The following PTPRK variants were observed in gnomAD, a reference collection of about 807,000 sequenced individuals.
The protein encoded by PTPRK is protein tyrosine phosphatase receptor type K.
PTPRK carries 75 observed loss-of-function variants against 178.0 expected under a neutral mutation model. The observed-to-expected ratio is 0.42, with a 90% CI of 0.35 to 0.51. PTPRK has a LOEUF of 0.51. Ranked by LOEUF, PTPRK falls within the 20% of genes least tolerant of loss-of-function variation. The pLI, the probability that PTPRK is intolerant of heterozygous loss-of-function variation, is 0.02. For missense variants in PTPRK, 1,441 were observed against 1,797.8 expected (o/e 0.80, Z 3.59); for synonymous variants, 637 against 620.6 (o/e 1.03, Z -0.39).
intron 7 of PTPRK, among the ~76,000 whole-genome samples, chr6:128,134,327 G>C (rs1172406525): frequency 6.6e-6 from 1 of 152,110 alleles, no homozygotes; most frequent in African/African-American, 2.4e-5. Context: ...ATCTTTTCTA[G>C]AGAGATTTGT....
chr6:128,183,010 A>G (rs1351796322), intron 7 of PTPRK, among the ~76,000 whole-genome samples: 3 of 152,192 alleles, frequency 2.0e-5, no homozygotes, highest in African/African-American at 7.2e-5. Context: ...CAAAATTGTT[A>G]AAATTTATAT....
chr6:128,093,814 G>C (rs1410980282), intron 7 of PTPRK, among the ~76,000 whole-genome samples: 1 of 151,742 alleles, frequency 6.6e-6, no homozygotes, highest in Non-Finnish European at 1.5e-5. Flanking sequence ...AGGTACTAAA[G>C]TGAATAAAGC....
intron 7 of PTPRK, among the ~76,000 whole-genome samples, chr6:128,163,480 C>A (rs1798963882): frequency 6.6e-6 from 1 of 151,308 alleles, no homozygotes; most frequent in African/African-American, 2.4e-5. Flanking sequence ...TCCCTTATAA[C>A]TTTATGCATG....
chr6:128,072,375 C>G (rs1260938067), intron 11 of PTPRK, among the ~76,000 whole-genome samples: 1 of 151,958 alleles, frequency 6.6e-6, no homozygotes, highest in East Asian at 1.9e-4. Context: ...TACATCTAAC[C>G]CACTGAACAG....
chr6:128,034,658 T>C (rs1278557629), intron 13 of PTPRK, among the ~76,000 whole-genome samples: 1 of 152,208 alleles, frequency 6.6e-6, no homozygotes, highest in Non-Finnish European at 1.5e-5. Flanking sequence ...AGTTTTATAA[T>C]TTACAACTTC....
chr6:128,152,002 AG>A (rs1264023540), intron 7 of PTPRK, among the ~76,000 whole-genome samples: 1 of 151,962 alleles, frequency 6.6e-6, no homozygotes. Context: ...TTGATGGAAA[AG>A]GTCCCTGCAG....
At chr6:128,073,111 G>A (rs1030657475) in intron 11 of PTPRK, among the ~76,000 whole-genome samples, 4 of 152,046 alleles carry the variant, frequency 2.6e-5, no homozygotes, top group African/African-American at 9.7e-5. Flanking sequence ...TTAGGTATAT[G>A]TCTTTCCTTT....
intron 13 of PTPRK, among the ~76,000 whole-genome samples, chr6:128,051,067 C>A (rs1337165390): frequency 6.6e-6 from 1 of 152,158 alleles, no homozygotes; most frequent in African/African-American, 2.4e-5. Context: ...ATACACTTCT[C>A]AATTTTTTCT....
At chr6:128,048,134 C>T (rs1005993190) in intron 13 of PTPRK, among the ~76,000 whole-genome samples, 3 of 152,160 alleles carry the variant, frequency 2.0e-5, no homozygotes, top group African/African-American at 4.8e-5. Context: ...ATCTACGACG[C>T]TAAACCAATC....
At chr6:128,116,464 T>C (rs1324723780) in intron 7 of PTPRK, among the ~76,000 whole-genome samples, 1 of 152,184 alleles carries the variant, frequency 6.6e-6, no homozygotes, top group Non-Finnish European at 1.5e-5. Context: ...CTTCACAAAA[T>C]TTTTTCAACA....
At chr6:128,063,414 T>G (rs887344113) in intron 13 of PTPRK, 6 of 152,140 alleles carry the variant, frequency 3.9e-5, no homozygotes, top group Admixed American at 3.3e-4. Flanking sequence ...AAAAGTTATG[T>G]TAGGGTAATA....
intron 3 of PTPRK, among the ~76,000 whole-genome samples, chr6:128,285,528 AG>A (rs1028194609): frequency 1.3e-5 from 2 of 148,866 alleles, no homozygotes; most frequent in African/African-American, 4.9e-5. Context: ...AAAAAAAAAA[AG>A]GCTGGGCGTG....
chr6:128,255,758 G>C (rs1300483729), intron 3 of PTPRK, among the ~76,000 whole-genome samples: 3 of 152,166 alleles, frequency 2.0e-5, no homozygotes, highest in Non-Finnish European at 2.9e-5. Context: ...CTGTGGGTGG[G>C]ACCCACCGAT....
At chr6:128,360,926 A>G (rs2128342278) in intron 2 of PTPRK, among the ~76,000 whole-genome samples, 1 of 152,260 alleles carries the variant, frequency 6.6e-6, no homozygotes, top group East Asian at 1.9e-4. Context: ...GTCATAATTC[A>G]GAAATACTGA....
At chr6:128,247,329 T>G (rs1367822361) in intron 3 of PTPRK, among the ~76,000 whole-genome samples, 1 of 152,206 alleles carries the variant, frequency 6.6e-6, no homozygotes, top group Non-Finnish European at 1.5e-5. Flanking sequence ...TCTTTTTCTT[T>G]TTTTTAATGA....
At chr6:128,148,846 A>C (rs1344497158) in intron 7 of PTPRK, among the ~76,000 whole-genome samples, 1 of 152,130 alleles carries the variant, frequency 6.6e-6, no homozygotes, top group East Asian at 1.9e-4. Flanking sequence ...TAAAAACACT[A>C]GTGTATAGAA....
chr6:128,432,509 T>G (rs1307830344), intron 1 of PTPRK, among the ~76,000 whole-genome samples: 1 of 152,202 alleles, frequency 6.6e-6, no homozygotes, highest in Admixed American at 6.5e-5. Context: ...GTAGAATCAT[T>G]TAGGCCCTTT....
At chr6:128,242,462 C>A (rs577136095) in intron 4 of PTPRK, 59 bp downstream of exon 4, 1 of 1,580,338 alleles carries the variant, frequency 6.3e-7, no homozygotes, top group Non-Finnish European at 8.6e-7. Flanking sequence ...ATAGTCACTG[C>A]CAATATAAGG....
At chr6:128,114,119 T>C (rs1167730053) in intron 7 of PTPRK, among the ~76,000 whole-genome samples, 1 of 152,012 alleles carries the variant, frequency 6.6e-6, no homozygotes, top group African/African-American at 2.4e-5. Flanking sequence ...CCAGATTGTA[T>C]TAGTGCTTTT....
Sources: allele counts gnomAD v4.1 joint callset (sites outside exome capture counted in the v4.1 genomes callset), GRCh38; gene constraint gnomAD v4.1.1; transcripts MANE v1.5; gene names NCBI Gene and HGNC (gene_info 2026-07-23, HGNC 2026-07-21).